The following CEP162 variants were observed in gnomAD, a reference collection of about 807,000 sequenced individuals.
The protein encoded by CEP162 is centrosomal protein 162, also known as centrosomal protein of 162 kDa.
Under a neutral mutation model 169.2 loss-of-function variants are expected in CEP162, and 141 were observed. The observed-to-expected ratio is 0.83, with a 90% CI of 0.73 to 0.96. CEP162 has a LOEUF of 0.96. Among genes scored for constraint, CEP162 ranks in the 40% least tolerant of loss-of-function variants. The pLI, the probability that CEP162 is intolerant of heterozygous loss-of-function variation, is 0.00. For synonymous variants in CEP162, 540 were observed against 526.4 expected, an observed-to-expected ratio of 1.03 and a Z score of -0.35; for missense variants, 1,600 against 1,587.2, an observed-to-expected ratio of 1.01 and a Z score of -0.14.
In CEP162 at chr6:84,189,936, G is replaced by A. The variant is rs554232405; in HGVS notation, c.1110-3313C>T. 1.6e-3 allele frequency among the ~76,000 whole-genome samples: 234 copies of A among 150,568 alleles called. 1 individual carries two copies. Among genetic ancestry groups the A allele is most frequent in the Admixed American group, 7.1e-3 (108 of 15,142 alleles). On this transcript the variant is annotated intron_variant, in intron 11 of 26. Coordinates refer to ENST00000403245, the MANE Select transcript of CEP162 (RefSeq NM_014895.4). ...CTCAAGGTTTGTGACTGTACCAATC[G>A]ACACTCTGTATCTAGCTGCTCTGGT...
chr6:84,142,858 C>G (rs1048397453), intron 25 of CEP162, among the ~76,000 whole-genome samples: 2 of 151,500 alleles, frequency 1.3e-5, no homozygotes, highest in Non-Finnish European at 2.9e-5. Context: ...CTTTTGAGTT[C>G]TTGTGCTGCT....
intron 11 of CEP162, among the ~76,000 whole-genome samples, chr6:84,190,770 A>C (rs1011285013): frequency 2.0e-5 from 3 of 152,246 alleles, no homozygotes; most frequent in African/African-American, 7.2e-5. Context: ...CCGCGGCTTC[A>C]TTCTAGAAGT....
intron 9 of CEP162, among the ~76,000 whole-genome samples, chr6:84,196,779 A>G (rs1390754841): frequency 6.6e-6 from 1 of 152,216 alleles, no homozygotes; most frequent in Non-Finnish European, 1.5e-5. Context: ...GCCAAGTGGT[A>G]CATATAAGAT....
intron 26 of CEP162, among the ~76,000 whole-genome samples, chr6:84,125,556 A>G (rs1236606548): frequency 6.6e-6 from 1 of 152,166 alleles, no homozygotes; most frequent in Admixed American, 6.6e-5. Context: ...AAATGAGATC[A>G]TAAGGGTGGG....
chr6:84,174,595 C>G, intron 15 of CEP162, 132 bp downstream of exon 15: 1 of 578,524 alleles, frequency 1.7e-6, no homozygotes, highest in Non-Finnish European at 3.0e-6. Context: ...TGGAACCATT[C>G]TATATTTTAT....
intron 25 of CEP162, among the ~76,000 whole-genome samples, chr6:84,141,706 C>A (rs1422300349): frequency 2.0e-5 from 3 of 152,118 alleles, no homozygotes; most frequent in Non-Finnish European, 4.4e-5. Context: ...GTAAATACTG[C>A]CAACCAGGAG....
At chr6:84,199,536 A>G (rs1323575906) in intron 9 of CEP162, among the ~76,000 whole-genome samples, 1 of 137,286 alleles carries the variant, frequency 7.3e-6, no homozygotes, top group Non-Finnish European at 1.5e-5. Flanking sequence ...GGTATACTAT[A>G]TATCAATTAA....
At chr6:84,198,110 T>A (rs912846140) in intron 9 of CEP162, among the ~76,000 whole-genome samples, 1 of 152,146 alleles carries the variant, frequency 6.6e-6, no homozygotes, top group Admixed American at 6.5e-5. Flanking sequence ...TCTTTGACAA[T>A]GTTTAAAGTT....
At chr6:84,210,882 C>T (rs1027650604) in intron 6 of CEP162, among the ~76,000 whole-genome samples, 13 of 151,848 alleles carry the variant, frequency 8.6e-5, no homozygotes, top group African/African-American at 3.1e-4. Context: ...TAGACTTCTG[C>T]TAACAAAGCA....
intron 13 of CEP162, among the ~76,000 whole-genome samples, chr6:84,176,850 G>GACTTC (rs2099532615): frequency 6.6e-6 from 1 of 150,974 alleles, no homozygotes; most frequent in African/African-American, 2.4e-5. Flanking sequence ...TCTTAATTTT[G>GACTTC]ACTTCTCAGT....
At chr6:84,210,381 T>C (rs2099548975) in intron 6 of CEP162, among the ~76,000 whole-genome samples, 2 of 152,308 alleles carry the variant, frequency 1.3e-5, no homozygotes, top group South Asian at 2.1e-4. Context: ...GGGATTGTAC[T>C]TTCTTTGTAA....
chr6:84,137,859 G>A (rs142442830), intron 25 of CEP162, among the ~76,000 whole-genome samples: 43 of 152,236 alleles, frequency 2.8e-4, no homozygotes, highest in Non-Finnish European at 5.1e-4. Flanking sequence ...ACATGCCTGA[G>A]TTAGCATCAA....
rs957549198 is a variant in CEP162 at position 84,135,263 on chromosome 6, T to C, written c.3871-8751A>G. 3.3e-5 allele frequency among the ~76,000 whole-genome samples: 5 copies of C among 152,302 alleles called. No individual in the cohort carries two copies. In the South Asian group the frequency reaches 6.2e-4, roughly 19 times the overall value. On this transcript the variant is annotated intron_variant, in intron 25 of 26. Transcript: ENST00000403245. ...CATCAATAAAAAGCATAAAAGCATA[T>C]ATTCTTTAATGAATAAAACTGTTAT...
chr6:84,215,597 T>C (rs1384164727), intron 4 of CEP162, 132 bp from the exon 5 acceptor site: 7 of 1,139,888 alleles, frequency 6.1e-6, no homozygotes, highest in African/African-American at 1.6e-5. Flanking sequence ...TCACCAAATA[T>C]GAATTCATAT....
chr6:84,194,182 C>G (rs928480497), intron 10 of CEP162, among the ~76,000 whole-genome samples: 1 of 151,916 alleles, frequency 6.6e-6, no homozygotes, highest in African/African-American at 2.4e-5. Flanking sequence ...TGCCAAAACC[C>G]CATCTCTACT....
rs576651947 is a variant in CEP162, at chr6:84,139,009, A to C, written c.3870+7678T>G. 2.6e-5 allele frequency among the ~76,000 whole-genome samples: 4 copies of C among 152,324 alleles called. No individual in the cohort carries two copies. In the South Asian group the frequency reaches 8.3e-4, roughly 32 times the overall value. On this transcript the variant is annotated intron_variant, in intron 25 of 26. Transcript: ENST00000403245. ...TCTATATTTTGCCTGTGAGACTTAA[A>C]TCCTTCAATAACAATAAATGGTATA...
chr6:84,160,490 C>A (rs113005837), intron 21 of CEP162, among the ~76,000 whole-genome samples: 1 of 152,114 alleles, frequency 6.6e-6, no homozygotes, highest in African/African-American at 2.4e-5. Context: ...CAGCTGTCTA[C>A]GGTCAGGAAG....
In CEP162 at chr6:84,174,912, G is replaced by C; in HGVS notation, c.1840C>G (p.Leu614Val). The change falls in exon 15 of 27, where the codon CTT becomes GTT. Residue 614 changes from leucine to valine, a missense_variant. Leu to Val is a conservative substitution (Grantham distance 32). Transcript: ENST00000403245. ...YCGENKEKKL[L>V]MFKRVQEAED... ...GCTTCCTGAACTCTTTTAAACATAA[G>C]TAATTTCTTCTCCTTGTTCTCACCA... 1 of 1,583,688 alleles carries C rather than the reference G, an allele frequency of 6.3e-7. No homozygotes were observed. The highest frequency in any genetic ancestry group is 8.6e-7 in the Non-Finnish European group (1 of 1,164,470).
Position 84,185,430 on chromosome 6 carries a change from T to G in CEP162, c.1420A>C (p.Ser474Arg), listed in dbSNP as rs750064067. The G allele has an allele frequency of 6.2e-7, 1 of 1,613,328 alleles. No homozygotes were observed. The highest frequency in any genetic ancestry group is 1.1e-5 in the South Asian group (1 of 91,048). ...ATTACAGCCCCTTCTTCTTCAGAACTAAGTTGAGATCTGTAAGTCTGTACA... is the reference window on the plus strand; with the variant it reads ...ATTACAGCCCCTTCTTCTTCAGAACGAAGTTGAGATCTGTAAGTCTGTACA... ...KINKTYRSQL[S>R]SEEEGAVMGK... Residue 474 changes from serine to arginine, a missense_variant, in exon 13 of 27, where the codon AGT becomes CGT. Physicochemically the swap from Ser to Arg is moderately radical, Grantham distance 110. Transcript: ENST00000403245.
Sources: allele counts gnomAD v4.1 joint callset (sites outside exome capture counted in the v4.1 genomes callset), GRCh38; gene constraint gnomAD v4.1.1; transcripts MANE v1.5; gene names NCBI Gene and HGNC (gene_info 2026-07-23, HGNC 2026-07-21).